Variants in VWC2L observed in about 807,000 individuals in gnomAD.
VWC2L encodes von Willebrand factor C domain containing 2 like, also known as von Willebrand factor C domain-containing protein 2-like.
In VWC2L, 10 loss-of-function variants were observed where a neutral mutation model predicts 21.6. The observed-to-expected ratio is 0.46, with a 90% CI of 0.29 to 0.78. The LOEUF (loss-of-function observed/expected upper bound fraction) is 0.78. Ranked by LOEUF, VWC2L falls within the 30% of genes least tolerant of loss-of-function variation. The pLI is 0.10. For missense variants in VWC2L, 209 were observed against 277.1 expected (o/e 0.75, Z 1.74); for synonymous variants, 96 against 94.3 (o/e 1.02, Z -0.10).
intron 3 of VWC2L, among the ~76,000 whole-genome samples, chr2:214,465,929 G>T (rs569252920): frequency 6.6e-6 from 1 of 152,222 alleles, no homozygotes; most frequent in Admixed American, 6.5e-5. Flanking sequence ...CCAATGCAAA[G>T]TTGCACAATC....
chr2:214,554,879 G>T (rs995323403), intron 3 of VWC2L, among the ~76,000 whole-genome samples: 4 of 152,060 alleles, frequency 2.6e-5, no homozygotes, highest in Non-Finnish European at 5.9e-5. Context: ...GACATACTTC[G>T]AAATGGCCCT....
chr2:214,523,339 A>C (rs1320297456), intron 3 of VWC2L, among the ~76,000 whole-genome samples: 2 of 151,958 alleles, frequency 1.3e-5, no homozygotes, highest in Admixed American at 6.6e-5. Flanking sequence ...GCTTTTCCCC[A>C]TTTTCTATGA....
At chr2:214,429,800 C>T (rs1376556853) in intron 2 of VWC2L, among the ~76,000 whole-genome samples, 1 of 151,750 alleles carries the variant, frequency 6.6e-6, no homozygotes, top group African/African-American at 2.4e-5. Context: ...TAAAACTTTA[C>T]CAAAAAAATT....
intron 2 of VWC2L, among the ~76,000 whole-genome samples, chr2:214,432,683 C>T (rs1444072097): frequency 1.3e-5 from 2 of 152,142 alleles, no homozygotes; most frequent in African/African-American, 2.4e-5. Context: ...AAACCCCTTT[C>T]TAATCTAGGG....
At chr2:214,431,199 C>A (rs1174053199) in intron 2 of VWC2L, among the ~76,000 whole-genome samples, 2 of 152,144 alleles carry the variant, frequency 1.3e-5, no homozygotes, top group Non-Finnish European at 2.9e-5. Flanking sequence ...CAGTGAGATT[C>A]CTGACAGGCA....
In VWC2L at chr2:214,567,573, C is replaced by G. The variant is rs1452229915; in HGVS notation, c.521-8099C>G. ...ACACACACACACACACACACACACA[C>G]ACACACACACACACACACACACAGA... On this transcript the variant is annotated intron_variant, in intron 3 of 3. Transcript: ENST00000312504. Among the ~76,000 whole-genome samples the G allele has an allele frequency of 2.1e-3, 304 of 141,942 alleles. 2 individuals are homozygous for G. The highest frequency in any genetic ancestry group is 8.0e-3 in the African/African-American group (291 of 36,282). The allele number at this position is 141,942 out of a possible 152,430, so 93.1% of individuals were successfully genotyped here.
At chr2:214,517,071 C>T (rs11885925) in intron 3 of VWC2L, among the ~76,000 whole-genome samples, 6,591 of 152,272 alleles carry the variant, frequency 0.043, 461 homozygotes, top group African/African-American at 0.15. Context: ...TTCCCTGCCA[C>T]TCAAATGATC....
intron 3 of VWC2L, among the ~76,000 whole-genome samples, chr2:214,571,473 T>C (rs1317180222): frequency 6.6e-6 from 1 of 152,244 alleles, no homozygotes. Flanking sequence ...CATTATCAAA[T>C]ACTCCTATAT....
rs757433698 is a variant in VWC2L, at chr2:214,436,758, G to A, written c.520G>A (p.Gly174Ser). The A allele has an allele frequency of 6.2e-7, 1 of 1,612,986 alleles. No homozygotes were observed. The highest frequency in any genetic ancestry group is 8.5e-7 in the Non-Finnish European group (1 of 1,179,230). Residue 174 changes from glycine to serine, a missense_variant and splice_region_variant, in exon 3 of 4, where the codon GGT becomes AGT. By Grantham distance (56) the Gly-to-Ser change is moderately conservative. Coordinates refer to ENST00000312504, the MANE Select transcript of VWC2L (RefSeq NM_001080500.4). ...ACAATGTTGTCCTGTCTGCAAAAATGGTAAGACCACACTGCATTAGCTTTT... is the reference window on the plus strand; with the variant it reads ...ACAATGTTGTCCTGTCTGCAAAAATAGTAAGACCACACTGCATTAGCTTTT... ...PEQCCPVCKN[G>S]PNCFAGTTII...
chr2:214,420,517 A>T (rs1702423094), intron 2 of VWC2L, among the ~76,000 whole-genome samples: 1 of 152,238 alleles, frequency 6.6e-6, no homozygotes, highest in South Asian at 2.1e-4. Flanking sequence ...TATGAAAAGC[A>T]CAGGAACTAA....
intron 3 of VWC2L, among the ~76,000 whole-genome samples, chr2:214,500,727 A>C (rs962147457): frequency 6.6e-4 from 101 of 152,338 alleles, no homozygotes; most frequent in African/African-American, 2.3e-3. Flanking sequence ...TCAGAGTTCT[A>C]TTAGTAAGAA....
At chr2:214,482,779 T>C (rs1688625855) in intron 3 of VWC2L, among the ~76,000 whole-genome samples, 2 of 151,876 alleles carry the variant, frequency 1.3e-5, no homozygotes, top group South Asian at 4.2e-4. Context: ...ATAATAATAA[T>C]AAGGTTTATT....
intron 3 of VWC2L, among the ~76,000 whole-genome samples, chr2:214,502,467 G>C (rs1323988692): frequency 6.6e-6 from 1 of 152,164 alleles, no homozygotes; most frequent in Non-Finnish European, 1.5e-5. Context: ...CTACTTGGGA[G>C]GCTGAGGCAA....
chr2:214,498,696 C>A (rs1374271014), intron 3 of VWC2L, among the ~76,000 whole-genome samples: 1 of 38,330 alleles, frequency 2.6e-5, no homozygotes, highest in African/African-American at 5.7e-5. Context: ...ATATATTATA[C>A]ATATACATAT....
intron 3 of VWC2L, among the ~76,000 whole-genome samples, chr2:214,523,958 C>T (rs1689285792): frequency 6.6e-6 from 1 of 152,062 alleles, no homozygotes; most frequent in African/African-American, 2.4e-5. Context: ...TTTGTTTTAA[C>T]TATGACGTGT....
At chr2:214,448,516 T>C (rs1327033944) in intron 3 of VWC2L, among the ~76,000 whole-genome samples, 1 of 152,166 alleles carries the variant, frequency 6.6e-6, no homozygotes, top group African/African-American at 2.4e-5. Context: ...TATTAACTGA[T>C]AGGAGGCAGA....
intron 2 of VWC2L, among the ~76,000 whole-genome samples, chr2:214,428,285 G>T (rs964469417): frequency 6.6e-6 from 1 of 152,126 alleles, no homozygotes; most frequent in Non-Finnish European, 1.5e-5. Context: ...TCTTACAAGC[G>T]AAAAACCCAG....
chr2:214,478,516 T>C (rs6719407), intron 3 of VWC2L, among the ~76,000 whole-genome samples: 1,748 of 150,970 alleles, frequency 0.012, 26 homozygotes, highest in African/African-American at 0.041. Context: ...AAAGACTGGC[T>C]GCTGATTTTG....
intron 3 of VWC2L, among the ~76,000 whole-genome samples, chr2:214,518,941 A>T (rs987346439): frequency 2.0e-5 from 3 of 152,240 alleles, no homozygotes; most frequent in African/African-American, 7.2e-5. Flanking sequence ...ATCAAAGAGC[A>T]TATTTGATCT....
Sources: allele counts gnomAD v4.1 joint callset (sites outside exome capture counted in the v4.1 genomes callset), GRCh38; gene constraint gnomAD v4.1.1; transcripts MANE v1.5; gene names NCBI Gene and HGNC (gene_info 2026-07-23, HGNC 2026-07-21).